Variants in CCR5AS observed in about 807,000 individuals in gnomAD.
CCR5AS encodes CCR5 antisense RNA.
intron 2 of CCR5AS, among the ~76,000 whole-genome samples, chr3:46,377,022 G>A (rs778138405): frequency 6.6e-6 from 1 of 152,176 alleles, no homozygotes; most frequent in Admixed American, 6.5e-5. Flanking sequence ...CCAAGGAAGG[G>A]CAGGAGGGGG....
chr3:46,385,572 G>A (rs982027131), intron 2 of CCR5AS, among the ~76,000 whole-genome samples: 1 of 152,060 alleles, frequency 6.6e-6, no homozygotes, highest in African/African-American at 2.4e-5. Context: ...GTAAAAATGG[G>A]TGGCACCACA....
intron 2 of CCR5AS, among the ~76,000 whole-genome samples, chr3:46,388,556 C>T (rs574069355): frequency 1.3e-5 from 2 of 152,206 alleles, no homozygotes; most frequent in African/African-American, 4.8e-5. Context: ...GGTCTCCATC[C>T]TTGAGTTTTT....
At chr3:46,403,685 G>C (rs1702020996) in intron 1 of CCR5AS, among the ~76,000 whole-genome samples, 1 of 152,214 alleles carries the variant, frequency 6.6e-6, no homozygotes, top group Non-Finnish European at 1.5e-5. Context: ...TGCTGAGCAG[G>C]AAACTGCCCG....
rs191374074 is a variant in CCR5AS at position 46,372,848 on chromosome 3, A to G, written n.392-1431T>C. On this transcript the variant is annotated intron_variant and non_coding_transcript_variant, in intron 2 of 3. Transcript: ENST00000451485. ...TTGCATTCATGGAGGGCAACTAAAT[A>G]CATTCTAGGACTTTATAAAAGATCA... is the stretch of plus-strand genomic sequence containing the variant. 4.3e-6 allele frequency: 6 copies of G among 1,396,076 alleles called. No homozygotes were observed. The Admixed American group carries it at 1.1e-4, about 26-fold the overall frequency. The allele number at this position is 1,396,076 out of a possible 1,614,324, so 86.5% of individuals were successfully genotyped here. A position where few individuals can be genotyped will look rare whatever the true frequency, so the allele number is the denominator to read the frequency against.
At chr3:46,406,549 G>A (rs536137352) in intron 1 of CCR5AS, among the ~76,000 whole-genome samples, 1 of 151,902 alleles carries the variant, frequency 6.6e-6, no homozygotes, top group African/African-American at 2.4e-5. Flanking sequence ...TCAGTTTGGG[G>A]TTAAACTTGT....
chr3:46,365,657 C>T (rs1701592259), intron 3 of CCR5AS, among the ~76,000 whole-genome samples: 1 of 152,188 alleles, frequency 6.6e-6, no homozygotes, highest in Admixed American at 6.5e-5. Flanking sequence ...GGCAGGCACA[C>T]TGTGTGGTCA....
At chr3:46,403,850 G>A (rs576258460) in intron 1 of CCR5AS, among the ~76,000 whole-genome samples, 3 of 152,346 alleles carry the variant, frequency 2.0e-5, no homozygotes, top group African/African-American at 4.8e-5. Context: ...AATTCACTGA[G>A]GAGTGGGCAC....
intron 2 of CCR5AS, chr3:46,372,996 C>T (rs374426321): frequency 5.3e-5 from 85 of 1,613,986 alleles, no homozygotes; most frequent in Non-Finnish European, 7.0e-5. Context: ...CGCAGCCCGC[C>T]TCCTGCCTCC....
At chr3:46,390,978 A>G (rs781415620) in intron 2 of CCR5AS, among the ~76,000 whole-genome samples, 10 of 152,218 alleles carry the variant, frequency 6.6e-5, no homozygotes, top group Non-Finnish European at 1.2e-4. Context: ...TACCCAAAGC[A>G]TCTGTGATGG....
chr3:46,384,158 A>T (rs1701838582), intron 2 of CCR5AS, among the ~76,000 whole-genome samples: 1 of 152,246 alleles, frequency 6.6e-6, no homozygotes, highest in African/African-American at 2.4e-5. Context: ...AATGCAAGGC[A>T]TTTTATAGAC....
intron 3 of CCR5AS, among the ~76,000 whole-genome samples, chr3:46,368,807 G>A (rs985361867): frequency 6.6e-6 from 1 of 152,122 alleles, no homozygotes; most frequent in Non-Finnish European, 1.5e-5. Flanking sequence ...GCCCTCTGGG[G>A]GTGAGTATGT....
At chr3:46,383,243 T>A (rs1235709513) in intron 2 of CCR5AS, among the ~76,000 whole-genome samples, 1 of 152,218 alleles carries the variant, frequency 6.6e-6, no homozygotes, top group Non-Finnish European at 1.5e-5. Flanking sequence ...ATTTGCTTGG[T>A]CTTCTGTAGC....
chr3:46,372,634 AGATTTTATT>A (rs1403226376), intron 2 of CCR5AS: 1 of 321,458 alleles, frequency 3.1e-6, no homozygotes, highest in Admixed American at 4.5e-5. Flanking sequence ...ATAGAGCACA[AGATTTTATT>A]TGGTGAGATG....
chr3:46,373,272 A>G (rs769009812), intron 2 of CCR5AS: 1 of 1,614,030 alleles, frequency 6.2e-7, no homozygotes, highest in Non-Finnish European at 8.5e-7. Flanking sequence ...CCTCCTGACA[A>G]TCGATAGGTA....
intron 2 of CCR5AS, among the ~76,000 whole-genome samples, chr3:46,384,052 C>T (rs555950939): frequency 3.1e-4 from 47 of 152,296 alleles, no homozygotes; most frequent in African/African-American, 1.0e-3. Context: ...AGTTTAAGAG[C>T]AGAGGTTTAA....
At chr3:46,365,528 T>C (rs1701591296) in intron 3 of CCR5AS, among the ~76,000 whole-genome samples, 1 of 152,188 alleles carries the variant, frequency 6.6e-6, no homozygotes, top group Non-Finnish European at 1.5e-5. Context: ...TTTTGAGATA[T>C]TTGCTTTACT....
At chr3:46,406,125 C>T (rs1037163103) in intron 1 of CCR5AS, among the ~76,000 whole-genome samples, 25 of 152,318 alleles carry the variant, frequency 1.6e-4, no homozygotes, top group African/African-American at 5.5e-4. Flanking sequence ...ACCCTCCCAC[C>T]TCATACTTCT....
At chr3:46,399,878 G>A (rs1174693955) in intron 1 of CCR5AS, among the ~76,000 whole-genome samples, 1 of 152,194 alleles carries the variant, frequency 6.6e-6, no homozygotes, top group Non-Finnish European at 1.5e-5. Context: ...TGGATAAAGT[G>A]ACAATTTGTC....
In CCR5AS at chr3:46,370,073, GTA is replaced by G. The variant is rs869086822; in HGVS notation, n.565+1169_565+1170del. 8.5e-4 allele frequency among the ~76,000 whole-genome samples: 130 copies of G among 152,236 alleles called. 1 individual carries two copies. Among genetic ancestry groups the G allele is most frequent in the Middle Eastern group, 3.4e-3 (1 of 294 alleles). Reference sequence around the variant, plus strand: ...ACCGCCAAGAGAGCTTGATATGACTGTATATAGTATAGTCATAAAGAACCTGA... The same window carrying G: ...ACCGCCAAGAGAGCTTGATATGACTGTATAGTATAGTCATAAAGAACCTGA... On this transcript the variant is annotated intron_variant and non_coding_transcript_variant, in intron 3 of 3. Coordinates refer to ENST00000451485, the Ensembl canonical transcript of CCR5AS.
Sources: allele counts gnomAD v4.1 joint callset (sites outside exome capture counted in the v4.1 genomes callset), GRCh38; gene constraint gnomAD v4.1.1; transcripts MANE v1.5; gene names NCBI Gene and HGNC (gene_info 2026-07-23, HGNC 2026-07-21).